The following ZNF616 variants were observed in gnomAD, a reference collection of about 807,000 sequenced individuals.
ZNF616 encodes zinc finger protein 616.
ZNF616 carries 5 observed loss-of-function variants against 7.6 expected under a neutral mutation model. The observed-to-expected ratio is 0.66, with a 90% CI of 0.34 to 1.38. ZNF616 has a LOEUF of 1.38. ZNF616 is among the 40% of genes most tolerant of loss of function. ZNF616 has a pLI of 0.04. For missense variants in ZNF616, 913 were observed against 948.3 expected (o/e 0.96, Z 0.49); for synonymous variants, 319 against 317.2 (o/e 1.01, Z -0.06).
Position 52,116,783 on chromosome 19 carries a change from A to C in ZNF616, c.381T>G (p.Ser127Arg), listed in dbSNP as rs982857557. Residue 127 changes from serine (S) to arginine (R), a missense_variant, in exon 4 of 4, where the codon AGT becomes AGG. Physicochemically the swap from Ser to Arg is moderately radical, Grantham distance 110 (BLOSUM62 -1). Transcript: ENST00000600228. ...TATGATTGTTTTCTACATCCCCTTG[A>C]CTATGTTGATCTCTTTTACCAGTAA... is the stretch of plus-strand genomic sequence containing the variant. ...NNLTGKRDQH[S>R]QGDVENNHIE... 6.2e-7 allele frequency: 1 copy of C among 1,614,116 alleles called. No individual in the cohort carries two copies. Among genetic ancestry groups the C allele is most frequent in the Non-Finnish European group, 8.5e-7 (1 of 1,180,002 alleles).
chr19:52,119,698 G>A (rs1406937984), intron 3 of ZNF616, among the ~76,000 whole-genome samples: 1 of 152,142 alleles, frequency 6.6e-6, no homozygotes, highest in Non-Finnish European at 1.5e-5. Context: ...TAATTTAGAA[G>A]TAGCATTATA....
chr19:52,132,614 C>T lies in ZNF616; in HGVS notation c.-76-2026G>A, dbSNP rs973420076. Among the ~76,000 whole-genome samples the T allele has an allele frequency of 2.4e-5, 3 of 126,544 alleles. No individual in the cohort carries two copies. The Admixed American group carries it at 2.7e-4, about 11-fold the overall frequency. 83.0% of individuals were successfully genotyped at this position (126,544 alleles called of 152,430 possible). On this transcript the variant is annotated intron_variant, in intron 1 of 3. Transcript: ENST00000600228. ...GTTGTTTAGAAGTGTGTAGCGCCTC[C>T]CCCCTCACTCTCTCTTGCTCCTGCT...
intron 1 of ZNF616, among the ~76,000 whole-genome samples, chr19:52,130,853 C>G (rs1198507772): frequency 2.0e-5 from 3 of 152,242 alleles, no homozygotes; most frequent in Non-Finnish European, 4.4e-5. Context: ...GGGCACGGAC[C>G]TATCCCTGAT....
Position 52,114,580 on chromosome 19 carries a change from G to A in ZNF616, c.*238C>T. The A allele has an allele frequency of 2.2e-6, 1 of 456,260 alleles. No homozygotes were observed. The highest frequency in any genetic ancestry group is 3.8e-6 in the Non-Finnish European group (1 of 259,792). The allele number at this position is 456,260 out of a possible 1,614,324, so 28.3% of individuals were successfully genotyped here. A position where few individuals can be genotyped will look rare whatever the true frequency, so the allele number is the denominator to read the frequency against. On this transcript the variant is annotated 3_prime_UTR_variant, in exon 4 of 4. Coordinates refer to ENST00000600228, the MANE Select transcript of ZNF616 (RefSeq NM_178523.5). Reference sequence around the variant, plus strand: ...AGGGCAAGCGACAGGGAAGTGCTATGCACTTCTAAACAGCCAGACCTCAAG... The same window carrying A: ...AGGGCAAGCGACAGGGAAGTGCTATACACTTCTAAACAGCCAGACCTCAAG...
At chr19:52,132,951 G>A (rs770458395) in intron 1 of ZNF616, among the ~76,000 whole-genome samples, 4 of 152,086 alleles carry the variant, frequency 2.6e-5, no homozygotes, top group East Asian at 1.9e-4. Flanking sequence ...TTCGAAGTCC[G>A]GACACAGCAG....
rs1247133386 is a variant in ZNF616, at chr19:52,115,228, C to T, written c.1936G>A (p.Val646Ile). The change falls in exon 4 of 4, where the codon GTC (valine) becomes ATC (isoleucine). Residue 646 changes from valine to isoleucine, a missense_variant. Transcript: ENST00000600228. ...ACAGTCTGATGAAGTCTAAGATGGA[C>T]ACGCTGACTAAAGGAATTCCCACAC... ...NQCGNSFSQRVHLRLHQTVHT... is the reference protein window; with the variant it reads ...NQCGNSFSQRIHLRLHQTVHT... 6.2e-7 allele frequency: 1 copy of T among 1,614,116 alleles called. No individual in the cohort carries two copies. The highest frequency in any genetic ancestry group is 1.7e-5 in the Admixed American group (1 of 60,014).
intron 1 of ZNF616, among the ~76,000 whole-genome samples, chr19:52,133,296 G>A (rs1238686684): frequency 6.6e-6 from 1 of 152,150 alleles, no homozygotes; most frequent in African/African-American, 2.4e-5. Flanking sequence ...GTCTGTGTGT[G>A]TGCATGCATT....
intron 2 of ZNF616, 118 bp from the exon 3 acceptor site, chr19:52,124,167 T>A (rs1270822309): frequency 2.0e-5 from 27 of 1,326,478 alleles, no homozygotes; most frequent in Non-Finnish European, 2.8e-5. Flanking sequence ...CTATATGGCA[T>A]CTGTGAGAAA....
intron 2 of ZNF616, among the ~76,000 whole-genome samples, chr19:52,125,179 GC>G (rs1320884987): frequency 1.3e-5 from 2 of 152,164 alleles, no homozygotes; most frequent in Admixed American, 6.5e-5. Flanking sequence ...CATCCCAATG[GC>G]CCCCCAAAGT....
chr19:52,125,928 A>G (rs941232109), intron 2 of ZNF616, among the ~76,000 whole-genome samples: 1 of 152,220 alleles, frequency 6.6e-6, no homozygotes, highest in African/African-American at 2.4e-5. Context: ...ACAATAGTAC[A>G]GAAAATAGGG....
intron 3 of ZNF616, among the ~76,000 whole-genome samples, chr19:52,117,553 T>C (rs1036229938): frequency 7.9e-5 from 12 of 152,106 alleles, no homozygotes; most frequent in Non-Finnish European, 1.3e-4. Flanking sequence ...AAATACAATA[T>C]ACAATATACT....
At chr19:52,127,998 G>A (rs1296451562) in intron 2 of ZNF616, among the ~76,000 whole-genome samples, 1 of 152,126 alleles carries the variant, frequency 6.6e-6, no homozygotes, top group Non-Finnish European at 1.5e-5. Context: ...GGAAACATGA[G>A]GGATGATGGA....
intron 1 of ZNF616, among the ~76,000 whole-genome samples, chr19:52,134,646 T>A (rs1246915511): frequency 6.6e-6 from 1 of 152,204 alleles, no homozygotes; most frequent in Non-Finnish European, 1.5e-5. Flanking sequence ...TGTTGTCTGC[T>A]GGAGAATTTT....
Position 52,115,482 on chromosome 19 carries a change from C to G in ZNF616, c.1682G>C (p.Cys561Ser), listed in dbSNP as rs2088811022. 1.9e-6 allele frequency: 3 copies of G among 1,613,546 alleles called. No individual in the cohort carries two copies. The highest frequency in any genetic ancestry group is 2.5e-6 in the Non-Finnish European group (3 of 1,179,962). Residue 561 changes from cysteine (C) to serine (S), a missense_variant, in exon 4 of 4, where the codon TGT becomes TCT. Physicochemically the swap from Cys to Ser is moderately radical, Grantham distance 112 (BLOSUM62 -1). Transcript: ENST00000600228. ...TCTCCGATGCACTGTAAGACGTGAA[C>G]ATTGACTGAAGACCTTGCCACATTC... The part of the protein sequence containing the change: ...CKECGKVFSQ[C>S]SRLTVHRRIH...
chr19:52,134,264 C>T (rs1169737682), intron 1 of ZNF616, among the ~76,000 whole-genome samples: 1 of 152,204 alleles, frequency 6.6e-6, no homozygotes, highest in Non-Finnish European at 1.5e-5. Context: ...ATCACGACAT[C>T]GTAACAAGGT....
intron 1 of ZNF616, among the ~76,000 whole-genome samples, chr19:52,135,848 GC>G (rs1468524522): frequency 6.6e-6 from 1 of 152,164 alleles, no homozygotes; most frequent in Non-Finnish European, 1.5e-5. Context: ...TTGATGTTGG[GC>G]CGGGCACAGT....
At position 52,113,126 on chromosome 19, in the gene ZNF616, T is replaced by G. The variant is rs765708632; in HGVS notation, c.*1692A>C. On this transcript the variant is annotated 3_prime_UTR_variant, in exon 4 of 4. Transcript: ENST00000600228. The stretch of plus-strand genomic sequence containing the variant: ...TATTTTATAAACTGAATGAGCCATT[T>G]TCACACATGCACTTGCTCCTTTAAA... 3.9e-5 allele frequency: 6 copies of G among 152,220 alleles called. No homozygotes were observed. Among genetic ancestry groups the G allele is most frequent in the Non-Finnish European group, 7.3e-5 (5 of 68,050 alleles). The allele number at this position is 152,220 out of a possible 1,614,324, so 9.4% of individuals were successfully genotyped here.
intron 1 of ZNF616, among the ~76,000 whole-genome samples, chr19:52,132,930 AT>A (rs2088973000): frequency 6.6e-6 from 1 of 152,222 alleles, no homozygotes; most frequent in Non-Finnish European, 1.5e-5. Context: ...TCTTTCCCAC[AT>A]TGAGAAACAT....
In ZNF616 at chr19:52,113,610, C is replaced by A. The variant is rs1195695848; in HGVS notation, c.*1208G>T. ...TTTGTCCTGATGCTCCACTTCCCTG[C>A]CCTTCCCACCCCCATCAGCAGGCCC... On this transcript the variant is annotated 3_prime_UTR_variant, in exon 4 of 4. Coordinates refer to ENST00000600228, the MANE Select transcript of ZNF616 (RefSeq NM_178523.5). 3 of 152,166 alleles carry A rather than the reference C, an allele frequency of 2.0e-5. No homozygotes were observed. The highest frequency in any genetic ancestry group is 6.5e-5 in the Admixed American group (1 of 15,274). 9.4% of individuals were successfully genotyped at this position (152,166 alleles called of 1,614,324 possible). A position where few individuals can be genotyped will look rare whatever the true frequency, so the allele number is the denominator to read the frequency against.
Sources: allele counts gnomAD v4.1 joint callset (sites outside exome capture counted in the v4.1 genomes callset), GRCh38; gene constraint gnomAD v4.1.1; transcripts MANE v1.5; gene names NCBI Gene and HGNC (gene_info 2026-07-23, HGNC 2026-07-21).